The following RDX variants were observed in gnomAD, a reference collection of about 807,000 sequenced individuals.
RDX encodes the protein radixin.
RDX carries 32 observed loss-of-function variants against 83.7 expected under a neutral mutation model. The ratio of observed to expected loss-of-function variants is 0.38; its 90% confidence interval spans 0.29 to 0.51. RDX has a LOEUF of 0.51. RDX is among the 20% of genes least tolerant of loss of function. RDX has a pLI of 0.87. For synonymous variants in RDX, 229 were observed against 222.7 expected, an observed-to-expected ratio of 1.03 and a Z score of -0.25; for missense variants, 600 against 689.9, an observed-to-expected ratio of 0.87 and a Z score of 1.46.
At chr11:110,294,228 C>T (rs927478365) in intron 1 of RDX, among the ~76,000 whole-genome samples, 28 of 152,214 alleles carry the variant, frequency 1.8e-4, no homozygotes, top group Non-Finnish European at 2.9e-5. Flanking sequence ...AACCCCGTCT[C>T]TACTAAAAAT....
At chr11:110,224,803 C>G (rs1305086114), downstream of RDX, among the ~76,000 whole-genome samples, 4 of 152,190 alleles carry the variant, frequency 2.6e-5, no homozygotes, top group African/African-American at 9.6e-5. Context: ...TAAATTCATT[C>G]CATGGCCACG....
Position 110,279,744 on chromosome 11 carries a change from C to T in RDX, c.-52G>A. 1 of 1,135,678 alleles carries T rather than the reference C, an allele frequency of 8.8e-7. No individual in the cohort carries two copies. Among genetic ancestry groups the T allele is most frequent in the East Asian group, 2.4e-5 (1 of 42,058 alleles). 70.4% of individuals were successfully genotyped at this position (1,135,678 alleles called of 1,614,324 possible). A position where few individuals can be genotyped will look rare whatever the true frequency, so the allele number is the denominator to read the frequency against. ...TAAAAATTCTCCACTTCAATGAATTCTGTTATCACTTTCTGTTAAAAAAAA... is the reference window on the plus strand; with the variant it reads ...TAAAAATTCTCCACTTCAATGAATTTTGTTATCACTTTCTGTTAAAAAAAA... On this transcript the variant is annotated 5_prime_UTR_variant, in exon 2 of 14. Transcript: ENST00000645495.
In RDX at chr11:110,255,402, ATCTCCT is replaced by A; in HGVS notation, c.699-23_699-18del. On this transcript the variant is annotated intron_variant, in intron 7 of 13. Transcript: ENST00000645495. ...GGTGTTAACCTTAAAAAATGAAAGC[ATCTCCT>A]TAATTAAAGGCAGGAAACAATGAAT... is the stretch of plus-strand genomic sequence containing the variant. 1.6e-6 allele frequency: 2 copies of A among 1,245,330 alleles called. No individual in the cohort carries two copies. The highest frequency in any genetic ancestry group is 2.4e-6 in the Non-Finnish European group (2 of 844,252). The allele number at this position is 1,245,330 out of a possible 1,614,324, so 77.1% of individuals were successfully genotyped here. A position where few individuals can be genotyped will look rare whatever the true frequency, so the allele number is the denominator to read the frequency against.
rs141710628 is a variant in RDX at position 110,246,647 on chromosome 11, C to T, written c.1090+1056G>A. ...AAAATTAGCTGGGCCTGGTGGAGTA[C>T]GCCTGTAATCCCAGCTACTTGGGAG... is the stretch of plus-strand genomic sequence containing the variant. On this transcript the variant is annotated intron_variant, in intron 10 of 13. Transcript: ENST00000645495. 5.9e-4 allele frequency among the ~76,000 whole-genome samples: 89 copies of T among 151,808 alleles called. 1 individual carries two copies. Among genetic ancestry groups the T allele is most frequent in the Non-Finnish European group, 9.9e-4 (67 of 67,944 alleles).
intron 1 of RDX, chr11:110,287,323 CAG>C (rs1455860543): frequency 6.6e-6 from 1 of 152,150 alleles, no homozygotes; most frequent in East Asian, 1.9e-4. Flanking sequence ...GCCTGGGCAA[CAG>C]AGTGAGATCC....
At chr11:110,277,329 T>C (rs1283460149) in intron 2 of RDX, among the ~76,000 whole-genome samples, 1 of 152,190 alleles carries the variant, frequency 6.6e-6, no homozygotes, top group Non-Finnish European at 1.5e-5. Flanking sequence ...ATTTTTTGTT[T>C]TGTTTTTTTG....
rs141643262 is a variant in RDX, at chr11:110,215,365, AAAATAAATAAATAAAT to A, written c.1749-15703_1749-15688del. ...GCAACAGAGCGAGACTCCATCTCAAAAAATAAATAAATAAATAAATAAATAAATAAATAAATAAATA... is the reference window on the plus strand; with the variant it reads ...GCAACAGAGCGAGACTCCATCTCAAAAAATAAATAAATAAATAAATAAATA... On this transcript the variant is annotated intron_variant, in intron 14 of 15. Coordinates refer to the RDX transcript ENST00000528498. 6.3e-3 allele frequency among the ~76,000 whole-genome samples: 898 copies of A among 141,810 alleles called. 4 individuals are homozygous for A. The highest frequency in any genetic ancestry group is 9.9e-3 in the South Asian group (44 of 4,458). 93.0% of individuals were successfully genotyped at this position (141,810 alleles called of 152,430 possible). A position where few individuals can be genotyped will look rare whatever the true frequency, so the allele number is the denominator to read the frequency against.
At chr11:110,251,718 T>C (rs1859349530) in intron 9 of RDX, among the ~76,000 whole-genome samples, 1 of 152,162 alleles carries the variant, frequency 6.6e-6, no homozygotes. Context: ...GTGCAAAAAT[T>C]ATCAGTCATA....
Position 110,176,624 on chromosome 11 carries a change from C to G in RDX, c.*32-1390G>C, listed in dbSNP as rs150809887. Among the ~76,000 whole-genome samples, 416 of 152,302 alleles carry G rather than the reference C, an allele frequency of 2.7e-3. 9 individuals are homozygous for G. The highest frequency in any genetic ancestry group is 8.7e-3 in the East Asian group (45 of 5,188). On this transcript the variant is annotated intron_variant, in intron 15 of 15. Transcript: ENST00000528498. ...TCCATCTCTCTCACAACTTAATATA[C>G]AGACTTGTGATACCGCTTTCCAGAT...
intron 14 of RDX, among the ~76,000 whole-genome samples, chr11:110,217,106 G>A (rs1864083174): frequency 6.6e-6 from 1 of 152,132 alleles, no homozygotes; most frequent in Non-Finnish European, 1.5e-5. Flanking sequence ...TTAAACAGAG[G>A]AACAAGAGGA....
At chr11:110,237,356 TTTGTTA>T in intron 11 of RDX, 130 bp downstream of exon 11, 1 of 771,242 alleles carries the variant, frequency 1.3e-6, no homozygotes, top group Non-Finnish European at 2.0e-6. Context: ...TTGTCTACAT[TTTGTTA>T]TTAAGTTACA....
chr11:110,281,979 C>T (rs1365911550), intron 1 of RDX, among the ~76,000 whole-genome samples: 1 of 138,096 alleles, frequency 7.2e-6, no homozygotes, highest in African/African-American at 2.7e-5. Flanking sequence ...AAAAAAAAAA[C>T]GAGCCAGGCA....
chr11:110,203,416 A>G (rs1288370755), intron 14 of RDX, among the ~76,000 whole-genome samples: 1 of 49,178 alleles, frequency 2.0e-5, no homozygotes, highest in South Asian at 5.8e-4. Context: ...TAATGGGTAA[A>G]AAAAAAAAAA....
intron 10 of RDX, among the ~76,000 whole-genome samples, chr11:110,245,744 T>C (rs1180594491): frequency 1.3e-5 from 2 of 152,156 alleles, no homozygotes; most frequent in Non-Finnish European, 2.9e-5. Flanking sequence ...CCCAGTAAAA[T>C]GTAAACTCCA....
chr11:110,241,003 C>A (rs555520046), intron 10 of RDX, among the ~76,000 whole-genome samples: 96 of 139,376 alleles, frequency 6.9e-4, no homozygotes, highest in Non-Finnish European at 1.1e-3. Flanking sequence ...TTGCAGTGAG[C>A]CGAGATCACA....
intron 9 of RDX, among the ~76,000 whole-genome samples, chr11:110,248,083 C>A (rs1188664694): frequency 6.6e-6 from 1 of 152,052 alleles, no homozygotes; most frequent in Non-Finnish European, 1.5e-5. Context: ...ACTTGAGAAG[C>A]AATGGTTGGG....
intron 15 of RDX, among the ~76,000 whole-genome samples, chr11:110,187,878 T>C (rs58174244): frequency 0.042 from 6,368 of 152,304 alleles, 455 homozygotes; most frequent in African/African-American, 0.15. Flanking sequence ...TATACACCCA[T>C]CTGTGTTGGC....
chr11:110,231,749 AC>A lies in RDX; in HGVS notation c.*119del, dbSNP rs1394702926. ...CCCTTAAATTTGTCTTTTAGCTAGC[AC>A]AGTCAAACTGGTGTAAGTGCTTTGG... On this transcript the variant is annotated 3_prime_UTR_variant, in exon 14 of 14. Coordinates refer to ENST00000645495, the MANE Select transcript of RDX (RefSeq NM_002906.4). 26 of 1,068,518 alleles carry A rather than the reference AC, an allele frequency of 2.4e-5. No individual in the cohort carries two copies. The African/African-American group carries it at 4.0e-4, about 17-fold the overall frequency. 66.2% of individuals were successfully genotyped at this position (1,068,518 alleles called of 1,614,324 possible). A position where few individuals can be genotyped will look rare whatever the true frequency, so the allele number is the denominator to read the frequency against.
At chr11:110,181,563 G>A (rs994740327) in intron 15 of RDX, among the ~76,000 whole-genome samples, 3 of 152,248 alleles carry the variant, frequency 2.0e-5, no homozygotes, top group East Asian at 1.9e-4. Flanking sequence ...AGAGGTCAAG[G>A]GGCCTAGAAG....
Sources: gnomAD v4.1 joint callset for allele counts (sites outside exome capture counted in the v4.1 genomes callset) on GRCh38, gnomAD v4.1.1 for gene constraint, MANE v1.5 for transcripts, NCBI Gene and HGNC (gene_info 2026-07-23, HGNC 2026-07-21) for gene names.